ARHGEF3: variants seen among roughly 807,000 people sequenced by gnomAD.
The protein encoded by ARHGEF3 is Rho guanine nucleotide exchange factor 3.
In ARHGEF3, 28 loss-of-function variants were observed where a neutral mutation model predicts 63.2. That is an observed-to-expected ratio of 0.44 (90% CI 0.33 to 0.61). ARHGEF3 has a LOEUF of 0.61. ARHGEF3 is among the 20% of genes least tolerant of loss of function. ARHGEF3 has a pLI of 0.03. For synonymous variants in ARHGEF3, 266 were observed against 254.2 expected (o/e 1.05, Z -0.44); for missense variants, 533 against 659.3 (o/e 0.81, Z 2.10).
intron 2 of ARHGEF3, among the ~76,000 whole-genome samples, chr3:57,019,726 T>A (rs1384856982): frequency 2.0e-5 from 3 of 152,192 alleles, no homozygotes; most frequent in Admixed American, 1.3e-4. Flanking sequence ...TAAAGGCATC[T>A]ACCTTCTAAG....
intron 3 of ARHGEF3, among the ~76,000 whole-genome samples, chr3:56,945,562 G>A (rs959625579): frequency 1.3e-5 from 2 of 152,170 alleles, no homozygotes; most frequent in African/African-American, 4.8e-5. Flanking sequence ...CAGCTGCAAG[G>A]CAGCAGCAAG....
At chr3:56,933,385 GTTTC>G (rs982534220) in intron 3 of ARHGEF3, among the ~76,000 whole-genome samples, 37 of 143,154 alleles carry the variant, frequency 2.6e-4, no homozygotes, top group African/African-American at 9.7e-4. Context: ...ATGGAAAAAT[GTTTC>G]TTTTCTTTTT....
At chr3:56,987,761 C>T (rs1480354914) in intron 2 of ARHGEF3, among the ~76,000 whole-genome samples, 2 of 152,194 alleles carry the variant, frequency 1.3e-5, no homozygotes, top group Non-Finnish European at 2.9e-5. Context: ...CACTAAGAGA[C>T]CACCTCAGGA....
At chr3:56,816,263 G>A (rs1044926496) in intron 4 of ARHGEF3, among the ~76,000 whole-genome samples, 6 of 152,100 alleles carry the variant, frequency 3.9e-5, no homozygotes, top group African/African-American at 1.4e-4. Context: ...GGCATGAGAT[G>A]CTAAACCACA....
intron 9 of ARHGEF3, among the ~76,000 whole-genome samples, chr3:56,730,040 T>C (rs758721090): frequency 6.6e-6 from 1 of 152,198 alleles, no homozygotes; most frequent in Admixed American, 6.5e-5. Flanking sequence ...AGCAATATAG[T>C]GACGCCTTTT....
At chr3:56,768,770 C>T (rs2035853826) in intron 2 of ARHGEF3, among the ~76,000 whole-genome samples, 1 of 152,012 alleles carries the variant, frequency 6.6e-6, no homozygotes, top group Non-Finnish European at 1.5e-5. Flanking sequence ...GCAACTCCCC[C>T]AGGAGGCTGT....
chr3:56,972,946 G>A (rs1700976137), intron 2 of ARHGEF3, among the ~76,000 whole-genome samples: 1 of 151,982 alleles, frequency 6.6e-6, no homozygotes, highest in Non-Finnish European at 1.5e-5. Context: ...GCCCAGATGA[G>A]GGATGGCAGG....
At chr3:57,066,334 T>C (rs1384804883) in intron 1 of ARHGEF3, among the ~76,000 whole-genome samples, 3 of 151,964 alleles carry the variant, frequency 2.0e-5, no homozygotes, top group African/African-American at 7.2e-5. Context: ...TGATCTTGGC[T>C]CACCGCAACC....
At chr3:56,864,398 T>C (rs1289636842) in intron 4 of ARHGEF3, among the ~76,000 whole-genome samples, 2 of 152,238 alleles carry the variant, frequency 1.3e-5, no homozygotes, top group East Asian at 3.8e-4. Flanking sequence ...GGTTAACACC[T>C]TACCTTCTTT....
chr3:56,764,049 T>C (rs1211124217), intron 2 of ARHGEF3, among the ~76,000 whole-genome samples: 2 of 144,992 alleles, frequency 1.4e-5, no homozygotes, highest in African/African-American at 4.9e-5. Context: ...TTCAGATTGA[T>C]GCACATTAAA....
At chr3:56,742,890 T>A (rs1331818555) in intron 7 of ARHGEF3, among the ~76,000 whole-genome samples, 2 of 152,204 alleles carry the variant, frequency 1.3e-5, no homozygotes, top group African/African-American at 4.8e-5. Context: ...TATCTGTTTT[T>A]AAATTCAAAC....
At chr3:56,967,850 TA>T (rs1317501944) in intron 2 of ARHGEF3, among the ~76,000 whole-genome samples, 3 of 48,670 alleles carry the variant, frequency 6.2e-5, no homozygotes, top group Non-Finnish European at 1.2e-4. Context: ...TATTATTATA[TA>T]ATATATAATG....
chr3:56,874,918 C>T (rs566206378), intron 4 of ARHGEF3, among the ~76,000 whole-genome samples: 3 of 152,208 alleles, frequency 2.0e-5, no homozygotes, highest in African/African-American at 2.4e-5. Context: ...GTCACAGGAC[C>T]GTACCACTGT....
At chr3:56,829,841 C>A (rs1559974977) in intron 4 of ARHGEF3, among the ~76,000 whole-genome samples, 1 of 152,296 alleles carries the variant, frequency 6.6e-6, no homozygotes. Flanking sequence ...GGATTTGTTT[C>A]CAGTCTCTAA....
At chr3:56,817,758 C>G (rs1012503603) in intron 4 of ARHGEF3, among the ~76,000 whole-genome samples, 1 of 152,168 alleles carries the variant, frequency 6.6e-6, no homozygotes, top group Non-Finnish European at 1.5e-5. Flanking sequence ...AATAGCCATG[C>G]CAGAACTTAC....
chr3:56,937,121 G>C (rs1698945799), intron 3 of ARHGEF3, among the ~76,000 whole-genome samples: 1 of 152,162 alleles, frequency 6.6e-6, no homozygotes, highest in Admixed American at 6.5e-5. Context: ...ATGAAATCAT[G>C]GTCCTTGATT....
chr3:56,930,942 T>C (rs1221726843), intron 3 of ARHGEF3, among the ~76,000 whole-genome samples: 1 of 152,194 alleles, frequency 6.6e-6, no homozygotes, highest in African/African-American at 2.4e-5. Flanking sequence ...TAGTGGCACA[T>C]ATGCTGCGCC....
At position 56,729,183 on chromosome 3, in the gene ARHGEF3, A is replaced by C; in HGVS notation, c.*87T>G. ...GTATACTTTCACAAAAGTATGAAAA[A>C]GTGCTTCTCCAAACCGTTCCATCTG... On this transcript the variant is annotated 3_prime_UTR_variant, in exon 10 of 10. Coordinates refer to ENST00000296315, the MANE Select transcript of ARHGEF3 (RefSeq NM_019555.3). 2.5e-6 allele frequency: 3 copies of C among 1,196,592 alleles called. No homozygotes were observed. Among genetic ancestry groups the C allele is most frequent in the Non-Finnish European group, 3.5e-6 (3 of 859,256 alleles). 74.1% of individuals were successfully genotyped at this position (1,196,592 alleles called of 1,614,324 possible). A position where few individuals can be genotyped will look rare whatever the true frequency, so the allele number is the denominator to read the frequency against.
chr3:56,775,412 C>T (rs1458641332), intron 1 of ARHGEF3: 1 of 1,027,828 alleles, frequency 9.7e-7, no homozygotes, highest in Non-Finnish European at 1.2e-6. Flanking sequence ...TACAATCTCA[C>T]AATGTGGCCA....
Sources: gnomAD v4.1 joint callset for allele counts (sites outside exome capture counted in the v4.1 genomes callset) on GRCh38, gnomAD v4.1.1 for gene constraint, MANE v1.5 for transcripts, NCBI Gene and HGNC (gene_info 2026-07-23, HGNC 2026-07-21) for gene names.